ANO5: variants seen among roughly 807,000 people sequenced by gnomAD.
ANO5 encodes anoctamin-5.
In ANO5, 109 loss-of-function variants were observed where a neutral mutation model predicts 121.0. The ratio of observed to expected loss-of-function variants is 0.90; its 90% CI spans 0.77 to 1.06. ANO5 has a LOEUF of 1.06. ANO5 is among the 50% of genes least tolerant of loss of function. The pLI, the probability that ANO5 is intolerant of heterozygous loss-of-function variation, is 0.00. For synonymous variants in ANO5, 406 were observed against 359.9 expected (o/e 1.13, Z -1.45); for missense variants, 1,064 against 1,078.5 (o/e 0.99, Z 0.19).
At chr11:22,228,996 A>C (rs781724695) in intron 7 of ANO5, among the ~76,000 whole-genome samples, 1 of 151,966 alleles carries the variant, frequency 6.6e-6, no homozygotes, top group African/African-American at 2.4e-5. Context: ...GCATATACCC[A>C]GTAATGGGAT....
intron 2 of ANO5, among the ~76,000 whole-genome samples, chr11:22,206,208 A>T (rs1852116866): frequency 6.6e-6 from 1 of 152,172 alleles, no homozygotes; most frequent in Non-Finnish European, 1.5e-5. Context: ...ATGTACATAG[A>T]TACAAAAATC....
chr11:22,260,627 C>T (rs1292446375), intron 15 of ANO5, among the ~76,000 whole-genome samples: 1 of 152,116 alleles, frequency 6.6e-6, no homozygotes, highest in Non-Finnish European at 1.5e-5. Flanking sequence ...TCACCATTTT[C>T]CTCAATGGGA....
At chr11:22,228,774 G>T (rs1050130727) in intron 7 of ANO5, among the ~76,000 whole-genome samples, 2 of 151,788 alleles carry the variant, frequency 1.3e-5, no homozygotes, top group Non-Finnish European at 2.9e-5. Context: ...ATGTCCTCTA[G>T]GTTCATATTG....
intron 10 of ANO5, 50 bp downstream of exon 10, chr11:22,250,421 C>A (rs770313649): frequency 1.9e-6 from 3 of 1,604,084 alleles, no homozygotes; most frequent in Non-Finnish European, 2.6e-6. Context: ...TATCTTGTGC[C>A]AAATGAAGTT....
chr11:22,199,108 C>T (rs778826086), intron 1 of ANO5, among the ~76,000 whole-genome samples: 2 of 152,144 alleles, frequency 1.3e-5, no homozygotes, highest in African/African-American at 2.4e-5. Context: ...TAGAGTAAAA[C>T]ATTTTAAGAG....
chr11:22,193,622 C>T, intron 1 of ANO5, 90 bp downstream of exon 1: 19 of 1,479,746 alleles, frequency 1.3e-5, no homozygotes, highest in Non-Finnish European at 1.6e-5. Context: ...GGGACGTTGG[C>T]GGCCCTGCGG....
intron 2 of ANO5, among the ~76,000 whole-genome samples, chr11:22,204,492 G>A (rs1852053099): frequency 6.6e-6 from 1 of 152,088 alleles, no homozygotes; most frequent in Non-Finnish European, 1.5e-5. Flanking sequence ...GTTTCAGGAT[G>A]TCCTGCCAGA....
chr11:22,259,866 T>C, intron 15 of ANO5, 125 bp downstream of exon 15: 1 of 939,458 alleles, frequency 1.1e-6, no homozygotes, highest in South Asian at 1.4e-5. Context: ...TTTTTCTCTA[T>C]AAATAGACCC....
intron 4 of ANO5, among the ~76,000 whole-genome samples, chr11:22,219,344 T>A (rs11026465): frequency 0.69 from 105,233 of 151,962 alleles, 37,960 homozygotes; most frequent in Non-Finnish European, 0.81. Context: ...TCTGTTTTCT[T>A]GCTGTCGAAT....
Position 22,193,525 on chromosome 11 carries a change from G to A in ANO5, c.33G>A (p.Ala11=). The A allele has an allele frequency of 6.2e-7, 1 of 1,612,882 alleles. No homozygotes were observed. The highest frequency in any genetic ancestry group is 1.1e-5 in the South Asian group (1 of 90,754). The change falls in exon 1 of 22, where the codon GCG becomes GCA. Residue 11 remains alanine, a synonymous_variant. Transcript: ENST00000324559. MGDPDLLEVL[A]EEGEKVNKHI... ...ACCCGGATCTCCTGGAAGTGTTGGC[G>A]GAGGAAGGTAGGACCGCGCCAAGAG...
chr11:22,224,780 TAAAG>T (rs1320185567), intron 5 of ANO5, among the ~76,000 whole-genome samples: 1 of 151,952 alleles, frequency 6.6e-6, no homozygotes. Context: ...GATGAATAGA[TAAAG>T]AAAACGTGGC....
At chr11:22,237,148 C>T (rs1177239104) in intron 8 of ANO5, among the ~76,000 whole-genome samples, 3 of 152,106 alleles carry the variant, frequency 2.0e-5, no homozygotes, top group Non-Finnish European at 2.9e-5. Flanking sequence ...TCTTTTGTTA[C>T]AGTTTTACTC....
At chr11:22,192,962 G>A (rs1352261699), upstream of ANO5, 2 of 984,712 alleles carry the variant, frequency 2.0e-6, no homozygotes, top group Non-Finnish European at 1.2e-6. Flanking sequence ...CGGGCCGGGG[G>A]GCGGGGAGAT....
intron 3 of ANO5, among the ~76,000 whole-genome samples, chr11:22,216,804 A>G (rs1799554369): frequency 6.6e-6 from 1 of 151,536 alleles, no homozygotes; most frequent in South Asian, 2.1e-4. Flanking sequence ...CTTCAGTTTT[A>G]TAGTTTTAGT....
At chr11:22,216,367 T>C (rs1208479351) in intron 3 of ANO5, among the ~76,000 whole-genome samples, 1 of 151,952 alleles carries the variant, frequency 6.6e-6, no homozygotes, top group African/African-American at 2.4e-5. Context: ...ATATTGATAT[T>C]GATAGCTTTT....
chr11:22,212,493 G>T (rs1007644509), intron 3 of ANO5, among the ~76,000 whole-genome samples: 10 of 151,822 alleles, frequency 6.6e-5, no homozygotes, highest in African/African-American at 2.2e-4. Context: ...GAGAATAAAG[G>T]TATATATAGT....
chr11:22,226,094 GTGT>G (rs1222745669), intron 6 of ANO5, 42 bp downstream of exon 6: 1 of 1,519,108 alleles, frequency 6.6e-7, no homozygotes, highest in Non-Finnish European at 9.1e-7. Flanking sequence ...TTTAATTTAA[GTGT>G]TGTTTTCTCC....
intron 1 of ANO5, among the ~76,000 whole-genome samples, chr11:22,202,320 A>G (rs1217857649): frequency 6.6e-6 from 1 of 152,100 alleles, no homozygotes; most frequent in African/African-American, 2.4e-5. Context: ...TAATGGTTGA[A>G]TTTCTGTCAA....
At position 22,259,705 on chromosome 11, in the gene ANO5, T is replaced by C. The variant is rs768109557; in HGVS notation, c.1594T>C (p.Phe532Leu). ...TATTGTCATCTTGATCTTGAATTTC[T>C]TTTATGAAAAGATATCTGCCTGGAT... is the stretch of plus-strand genomic sequence containing the variant. The part of the protein sequence containing the change: ...NFIVILILNF[F>L]YEKISAWITK... The change falls in exon 15 of 22, where the codon TTT becomes CTT. Residue 532 changes from phenylalanine (F) to leucine (L), a missense_variant. Coordinates refer to ENST00000324559, the MANE Select transcript of ANO5 (RefSeq NM_213599.3). The C allele has an allele frequency of 2.2e-5, 36 of 1,613,880 alleles. No homozygotes were observed. In the East Asian group the frequency reaches 8.0e-4, roughly 36 times the overall value.
Sources: gnomAD v4.1 joint callset for allele counts (sites outside exome capture counted in the v4.1 genomes callset) on GRCh38, gnomAD v4.1.1 for gene constraint, MANE v1.5 for transcripts, NCBI Gene and HGNC (gene_info 2026-07-23, HGNC 2026-07-21) for gene names.